The following FBXO39 variants were observed in gnomAD, a reference collection of about 807,000 sequenced individuals.
The protein encoded by FBXO39 is F-box protein 39.
Under a neutral mutation model 36.6 loss-of-function variants are expected in FBXO39, and 22 were observed. The ratio of observed to expected loss-of-function variants is 0.60; its 90% CI spans 0.43 to 0.86. FBXO39 has a LOEUF of 0.86. Ranked by LOEUF, FBXO39 falls within the 40% of genes least tolerant of loss-of-function variation. The pLI is 0.00. For synonymous variants in FBXO39, 206 were observed against 205.8 expected (o/e 1.00, Z -0.01); for missense variants, 536 against 543.9 (o/e 0.99, Z 0.14).
In FBXO39 at chr17:6,780,525, C is replaced by G. The variant is rs1484612486; in HGVS notation, c.657C>G (p.Thr219=). 6.2e-7 allele frequency: 1 copy of G among 1,614,094 alleles called. No homozygotes were observed. The highest frequency in any genetic ancestry group is 1.1e-5 in the South Asian group (1 of 91,074). The change falls in exon 2 of 4, where the codon ACC becomes ACG. Residue 219 remains threonine, a synonymous_variant. Transcript: ENST00000321535. ...ACAACAGCCCCCAGTTCAAAAAGAC[C>G]ATGTCCACATTCCACAATCTTGTGT... ...AVYNSPQFKK[T]MSTFHNLVSL...
At position 6,780,529 on chromosome 17, in the gene FBXO39, T is replaced by A. The variant is rs4143218; in HGVS notation, c.661T>A (p.Ser221Thr). Residue 221 changes from serine (S) to threonine (T), a missense_variant, in exon 2 of 4, where the codon TCC becomes ACC. Physicochemically the swap from Ser to Thr is moderately conservative, Grantham distance 58 (BLOSUM62 1). Coordinates refer to ENST00000321535, the MANE Select transcript of FBXO39 (RefSeq NM_153230.3). ...YNSPQFKKTM[S>T]TFHNLVSLNL... ...CAGCCCCCAGTTCAAAAAGACCATG[T>A]CCACATTCCACAATCTTGTGTCCCT... 2,231 of 1,614,082 alleles carry A rather than the reference T, an allele frequency of 1.4e-3. 36 individuals carry two copies. The East Asian group carries it at 0.038, about 27-fold the overall frequency.
intron 1 of FBXO39, among the ~76,000 whole-genome samples, chr17:6,778,263 A>G (rs1509125): frequency 1.3e-5 from 2 of 152,372 alleles, no homozygotes; most frequent in East Asian, 1.9e-4. Flanking sequence ...ACAGTTGCCT[A>G]TGGTGGGGGC....
intron 1 of FBXO39, among the ~76,000 whole-genome samples, chr17:6,779,244 A>T (rs1325928720): frequency 1.3e-5 from 2 of 152,164 alleles, no homozygotes; most frequent in Non-Finnish European, 1.5e-5. Context: ...CACTGCTCCC[A>T]CGTGATCCAG....
At chr17:6,777,797 G>C (rs1976450995) in intron 1 of FBXO39, among the ~76,000 whole-genome samples, 1 of 152,240 alleles carries the variant, frequency 6.6e-6, no homozygotes, top group Non-Finnish European at 1.5e-5. Flanking sequence ...GTAGCAGAAG[G>C]AGGCAAGCTA....
intron 1 of FBXO39, among the ~76,000 whole-genome samples, chr17:6,777,375 C>A (rs1976441431): frequency 6.6e-6 from 1 of 152,098 alleles, no homozygotes; most frequent in South Asian, 2.1e-4. Flanking sequence ...TTTCCTGTTC[C>A]TGCGTTAGTT....
chr17:6,785,442 T>C (rs1345435162), intron 2 of FBXO39, among the ~76,000 whole-genome samples: 1 of 150,198 alleles, frequency 6.7e-6, no homozygotes. Context: ...GGGCAAAGAC[T>C]TCTTGAGCAA....
Position 6,787,341 on chromosome 17 carries a change from C to T in FBXO39, c.1242C>T (p.Asp414=), listed in dbSNP as rs1412767781. Reference sequence around the variant, plus strand: ...ACAGATATGAGACGAATGAAGAGGACAAGACCCTGCAGGAAATTTACAGGA... The same window carrying T: ...ACAGATATGAGACGAATGAAGAGGATAAGACCCTGCAGGAAATTTACAGGA... The part of the protein sequence containing the change: ...YTNRYETNEE[D]KTLQEIYRKY... Residue 414 remains aspartate, a synonymous_variant, in exon 4 of 4, where the codon GAC becomes GAT. Transcript: ENST00000321535. 1 of 1,613,924 alleles carries T rather than the reference C, an allele frequency of 6.2e-7. No individual in the cohort carries two copies. Among genetic ancestry groups the T allele is most frequent in the Non-Finnish European group, 8.5e-7 (1 of 1,179,968 alleles).
In FBXO39 at chr17:6,780,028, G is replaced by C; in HGVS notation, c.160G>C (p.Glu54Gln). ...RKWNQMMYSA[E>Q]LWRYRTITFS... Reference sequence around the variant, plus strand: ...GTGGAACCAGATGATGTATTCTGCTGAGCTCTGGCGGTACAGAACCATCAC... The same window carrying C: ...GTGGAACCAGATGATGTATTCTGCTCAGCTCTGGCGGTACAGAACCATCAC... Residue 54 changes from glutamate to glutamine, a missense_variant, in exon 2 of 4, where the codon GAG (glutamate) becomes CAG (glutamine). Transcript: ENST00000321535. The C allele has an allele frequency of 1.2e-6, 2 of 1,614,184 alleles. No homozygotes were observed. Among genetic ancestry groups the C allele is most frequent in the African/African-American group, 1.3e-5 (1 of 75,052 alleles).
At chr17:6,778,366 G>C (rs1976459910) in intron 1 of FBXO39, among the ~76,000 whole-genome samples, 1 of 152,172 alleles carries the variant, frequency 6.6e-6, no homozygotes, top group Non-Finnish European at 1.5e-5. Context: ...TCCTGAATTG[G>C]GAAATGTGAT....
At position 6,780,763 on chromosome 17, in the gene FBXO39, G is replaced by A; in HGVS notation, c.895G>A (p.Ala299Thr). 1 of 1,614,116 alleles carries A rather than the reference G, an allele frequency of 6.2e-7. No homozygotes were observed. Among genetic ancestry groups the A allele is most frequent in the African/African-American group, 1.3e-5 (1 of 75,038 alleles). Residue 299 changes from alanine (A) to threonine (T), a missense_variant, in exon 2 of 4, where the codon GCC becomes ACC. Ala to Thr is a moderately conservative substitution (Grantham distance 58). Transcript: ENST00000321535. ...FERIMKYERL[A>T]RILLQEIPIR... ...ACGGATCATGAAGTACGAACGCTTG[G>A]CCCGAATCCTCTTGCAGGAGATCCC...
At chr17:6,785,379 A>G (rs1172233139) in intron 2 of FBXO39, among the ~76,000 whole-genome samples, 1 of 152,138 alleles carries the variant, frequency 6.6e-6, no homozygotes, top group Admixed American at 6.5e-5. Context: ...AAGACCTCAA[A>G]CTATGAAACT....
chr17:6,779,745 T>A (rs2151572983), intron 1 of FBXO39, 44 bp from the exon 2 acceptor site: 2 of 1,056,770 alleles, frequency 1.9e-6, no homozygotes, highest in Non-Finnish European at 2.7e-6. Flanking sequence ...TTGAGTTTAA[T>A]CTCTGTTTGA....
At chr17:6,785,630 A>G (rs754170516) in intron 2 of FBXO39, among the ~76,000 whole-genome samples, 32 of 152,042 alleles carry the variant, frequency 2.1e-4, no homozygotes, top group Admixed American at 4.6e-4. Context: ...AACAGAATAT[A>G]CAGAGCTCAA....
chr17:6,776,711 C>A (rs78602218), intron 1 of FBXO39, among the ~76,000 whole-genome samples: 7,168 of 152,202 alleles, frequency 0.047, 219 homozygotes, highest in Middle Eastern at 0.14. Context: ...TCTTGTATAG[C>A]GTTTACTACG....
At position 6,780,360 on chromosome 17, in the gene FBXO39, G is replaced by A. The variant is rs767525961; in HGVS notation, c.492G>A (p.Leu164=). ...TCTTAAAGAAGATGGGCAAACGCCTGGATTATCTCAACCTAAAAGGGGCCA... is the reference window on the plus strand; with the variant it reads ...TCTTAAAGAAGATGGGCAAACGCCTAGATTATCTCAACCTAAAAGGGGCCA... ...SFFLKKMGKR[L]DYLNLKGARL... is the part of the protein sequence containing the mutation. Residue 164 remains leucine (L), a synonymous_variant, in exon 2 of 4, where the codon CTG becomes CTA. Transcript: ENST00000321535. The A allele has an allele frequency of 6.2e-7, 1 of 1,614,122 alleles. No individual in the cohort carries two copies. The highest frequency in any genetic ancestry group is 8.5e-7 in the Non-Finnish European group (1 of 1,180,034).
At chr17:6,785,978 A>G (rs1976565424) in intron 2 of FBXO39, among the ~76,000 whole-genome samples, 1 of 152,236 alleles carries the variant, frequency 6.6e-6, no homozygotes, top group Non-Finnish European at 1.5e-5. Context: ...GAGCTTACAT[A>G]TGATCCAGCA....
At chr17:6,776,924 G>A (rs944423239) in intron 1 of FBXO39, among the ~76,000 whole-genome samples, 2 of 151,928 alleles carry the variant, frequency 1.3e-5, no homozygotes, top group Non-Finnish European at 2.9e-5. Context: ...ATGGGGTCTC[G>A]GGGGGTAAGG....
At chr17:6,785,662 A>T (rs1286126999) in intron 2 of FBXO39, among the ~76,000 whole-genome samples, 1 of 152,080 alleles carries the variant, frequency 6.6e-6, no homozygotes, top group African/African-American at 2.4e-5. Flanking sequence ...GGAAAAAAAA[A>T]TAGTAATCCA....
rs1395513019 is a variant in FBXO39 at position 6,786,810 on chromosome 17, G to A, written c.1054G>A (p.Glu352Lys). The change falls in exon 3 of 4, where the codon GAG becomes AAG. Residue 352 changes from glutamate (E) to lysine (K), a missense_variant. Transcript: ENST00000321535. Reference sequence around the variant, plus strand: ...AACTTGTGAATTCAACAACAACCATGAGTCACTCGACGAGGAGCTGCACCT... The same window carrying A: ...AACTTGTGAATTCAACAACAACCATAAGTCACTCGACGAGGAGCTGCACCT... Reference protein sequence around the residue: ...KLTCEFNNNHESLDEELHLLI... With the variant: ...KLTCEFNNNHKSLDEELHLLI... 6.2e-7 allele frequency: 1 copy of A among 1,612,020 alleles called. No individual in the cohort carries two copies.
Sources: allele counts gnomAD v4.1 joint callset (sites outside exome capture counted in the v4.1 genomes callset), GRCh38; gene constraint gnomAD v4.1.1; transcripts MANE v1.5; gene names NCBI Gene and HGNC (gene_info 2026-07-23, HGNC 2026-07-21).